MACROD2: variants seen among roughly 807,000 people sequenced by gnomAD.
MACROD2 encodes the protein mono-ADP ribosylhydrolase 2.
A neutral mutation model predicts 70.4 loss-of-function variants in MACROD2; 36 were observed. The observed-to-expected ratio is 0.51, with a 90% CI of 0.39 to 0.68. MACROD2 has a LOEUF of 0.68. Ranked by LOEUF, MACROD2 falls within the 30% of genes least tolerant of loss-of-function variation. The probability of loss-of-function intolerance (pLI) is 0.00; values close to 1 mark genes in which losing one functional copy is unlikely to be tolerated. For missense variants in MACROD2, 496 were observed against 538.4 expected, an observed-to-expected ratio of 0.92 and a Z score of 0.78; for synonymous variants, 172 against 178.8, an observed-to-expected ratio of 0.96 and a Z score of 0.30.
intron 7 of MACROD2, among the ~76,000 whole-genome samples, chr20:15,481,823 C>G (rs1434502287): frequency 2.6e-5 from 4 of 152,194 alleles, no homozygotes; most frequent in Admixed American, 2.0e-4. Flanking sequence ...AATTCTAAGA[C>G]AGGGCTGGCT....
intron 3 of MACROD2, chr20:14,324,327 G>A (rs1210675946): frequency 6.6e-6 from 1 of 152,346 alleles, no homozygotes; most frequent in Non-Finnish European, 1.5e-5. Context: ...AAGTGATATG[G>A]TTTTTCAACA....
At chr20:14,275,770 C>T (rs939933038) in intron 3 of MACROD2, among the ~76,000 whole-genome samples, 91 of 152,040 alleles carry the variant, frequency 6.0e-4, no homozygotes, top group African/African-American at 2.0e-3. Context: ...ACAATGAACT[C>T]AAACAAATTT....
chr20:14,883,576 A>G (rs1411789423), intron 5 of MACROD2, among the ~76,000 whole-genome samples: 2 of 148,802 alleles, frequency 1.3e-5, no homozygotes, highest in Non-Finnish European at 3.0e-5. Context: ...CTTGAAATGA[A>G]CTGTCTATAT....
At chr20:14,495,432 T>C (rs1484828614) in intron 4 of MACROD2, among the ~76,000 whole-genome samples, 2 of 152,174 alleles carry the variant, frequency 1.3e-5, no homozygotes, top group African/African-American at 4.8e-5. Context: ...CAGATTTCCC[T>C]GGAATCCCAC....
At chr20:16,043,301 T>C (rs1324261215) in intron 16 of MACROD2, among the ~76,000 whole-genome samples, 1 of 151,974 alleles carries the variant, frequency 6.6e-6, no homozygotes, top group Non-Finnish European at 1.5e-5. Flanking sequence ...AGGTAAAAAA[T>C]AGGGACGCTG....
At chr20:15,147,429 ATTTT>A (rs11469255) in intron 5 of MACROD2, among the ~76,000 whole-genome samples, 54,783 of 149,246 alleles carry the variant, frequency 0.37, 10,814 homozygotes, top group East Asian at 0.64. Flanking sequence ...CGGAGTTAGC[ATTTT>A]TTTTTTTTTT....
chr20:14,382,186 C>T (rs571001524), intron 3 of MACROD2, among the ~76,000 whole-genome samples: 2 of 151,756 alleles, frequency 1.3e-5, no homozygotes, highest in Admixed American at 6.5e-5. Context: ...CTCAGACTCC[C>T]GAGTAGCTGG....
intron 5 of MACROD2, among the ~76,000 whole-genome samples, chr20:14,922,493 CAG>C (rs761634802): frequency 1.9e-4 from 29 of 152,120 alleles, no homozygotes; most frequent in Non-Finnish European, 3.4e-4. Context: ...ATCTAAAAAA[CAG>C]TGGTGTCTGC....
intron 9 of MACROD2, among the ~76,000 whole-genome samples, chr20:15,872,949 A>G (rs1325766035): frequency 6.6e-6 from 1 of 152,154 alleles, no homozygotes; most frequent in Non-Finnish European, 1.5e-5. Flanking sequence ...GAATTCTTCC[A>G]TAACTTAATT....
At chr20:14,469,146 T>C (rs2084496236) in intron 3 of MACROD2, among the ~76,000 whole-genome samples, 1 of 151,556 alleles carries the variant, frequency 6.6e-6, no homozygotes, top group Non-Finnish European at 1.5e-5. Context: ...CTCTCAGCAT[T>C]TGCTTGTCTG....
chr20:15,576,621 G>A (rs1480993499), intron 8 of MACROD2, among the ~76,000 whole-genome samples: 1 of 151,232 alleles, frequency 6.6e-6, no homozygotes, highest in African/African-American at 2.4e-5. Context: ...ACCTTTGGGT[G>A]AGGCTCACTC....
intron 7 of MACROD2, among the ~76,000 whole-genome samples, chr20:15,442,555 A>G (rs1186740691): frequency 2.0e-5 from 3 of 152,034 alleles, no homozygotes; most frequent in Non-Finnish European, 4.4e-5. Context: ...TGGTCCCTCT[A>G]CTCAAAGTAG....
At chr20:15,736,479 A>G (rs904831812) in intron 8 of MACROD2, among the ~76,000 whole-genome samples, 1 of 152,204 alleles carries the variant, frequency 6.6e-6, no homozygotes, top group Non-Finnish European at 1.5e-5. Context: ...TCCTGGTTGG[A>G]TAAAAAGTGT....
At chr20:15,733,944 T>C (rs2050982905) in intron 8 of MACROD2, among the ~76,000 whole-genome samples, 1 of 151,794 alleles carries the variant, frequency 6.6e-6, no homozygotes, top group Non-Finnish European at 1.5e-5. Flanking sequence ...TTATGGAGAG[T>C]TGTGTGGTCA....
At chr20:14,641,654 T>A (rs1384854182) in intron 4 of MACROD2, among the ~76,000 whole-genome samples, 1 of 152,218 alleles carries the variant, frequency 6.6e-6, no homozygotes, top group African/African-American at 2.4e-5. Flanking sequence ...TACATCTTCA[T>A]CAGAGCTCTT....
rs2071087522 is a variant in MACROD2 at position 14,693,588 on chromosome 20, A to G, written c.418+8629A>G. Among the ~76,000 whole-genome samples the G allele has an allele frequency of 2.6e-5, 4 of 152,234 alleles. No individual in the cohort carries two copies. The South Asian group carries it at 8.3e-4, about 32-fold the overall frequency. ...GTATTAACTCTCCCTGTAATTAATC[A>G]CTAATCCCAAAGATTAAATATTAGG... On this transcript the variant is annotated intron_variant, in intron 5 of 17. Coordinates refer to ENST00000684519, the MANE Select transcript of MACROD2 (RefSeq NM_001351661.2).
chr20:15,411,379 G>T (rs945250368), intron 6 of MACROD2, among the ~76,000 whole-genome samples: 5 of 151,972 alleles, frequency 3.3e-5, no homozygotes, highest in Admixed American at 6.6e-5. Flanking sequence ...TGCCAGAACA[G>T]ATTTTATCTG....
rs1468889628 is a variant in MACROD2, at chr20:15,901,863, A to G, written c.775+16052A>G. ...CTGAGACAGTCATTGTTTGGTCCTC[A>G]TGGTCCCTTGAGATCTGTTGACTCT... is the stretch of plus-strand genomic sequence containing the variant. On this transcript the variant is annotated intron_variant, in intron 10 of 17. Coordinates refer to ENST00000684519, the MANE Select transcript of MACROD2 (RefSeq NM_001351661.2). 3.9e-5 allele frequency among the ~76,000 whole-genome samples: 6 copies of G among 152,256 alleles called. No individual in the cohort carries two copies. The South Asian group carries it at 1.2e-3, about 32-fold the overall frequency.
At chr20:14,217,317 T>C (rs988711768) in intron 3 of MACROD2, among the ~76,000 whole-genome samples, 1 of 152,234 alleles carries the variant, frequency 6.6e-6, no homozygotes, top group African/African-American at 2.4e-5. Flanking sequence ...ATTTATTGAC[T>C]TGCATATGTT....
Sources: gnomAD v4.1 joint callset for allele counts (sites outside exome capture counted in the v4.1 genomes callset) on GRCh38, gnomAD v4.1.1 for gene constraint, MANE v1.5 for transcripts, NCBI Gene and HGNC (gene_info 2026-07-23, HGNC 2026-07-21) for gene names.